The following ODAD2 variants were observed in gnomAD, a reference collection of about 807,000 sequenced individuals.
ODAD2 encodes outer dynein arm docking complex subunit 2, also known as outer dynein arm-docking complex subunit 2.
ODAD2 carries 89 observed loss-of-function variants against 106.8 expected under a neutral mutation model. That is an observed-to-expected ratio of 0.83 (90% CI 0.70 to 0.99). ODAD2 has a LOEUF of 0.99. Among genes scored for constraint, ODAD2 ranks in the 50% least tolerant of loss-of-function variants. The pLI is 0.00. For missense variants in ODAD2, 1,168 were observed against 1,238.5 expected, an observed-to-expected ratio of 0.94 and a Z score of 0.85; for synonymous variants, 404 against 436.2, an observed-to-expected ratio of 0.93 and a Z score of 0.92.
At position 27,944,905 on chromosome 10, in the gene ODAD2, C is replaced by G; in HGVS notation, c.1444G>C (p.Ala482Pro). 6.2e-7 allele frequency: 1 copy of G among 1,614,164 alleles called. No homozygotes were observed. The highest frequency in any genetic ancestry group is 8.5e-7 in the Non-Finnish European group (1 of 1,180,006). Residue 482 changes from alanine (A) to proline (P), a missense_variant, in exon 11 of 20, where the codon GCT becomes CCT. Ala to Pro is a conservative substitution (Grantham distance 27). Around this residue, in one of 3 missense-constraint regions of ODAD2, gnomAD observed 701 missense variants for 712.3 expected, o/e 0.98. Coordinates refer to ENST00000305242, the MANE Select transcript of ODAD2 (RefSeq NM_018076.5). Reference protein sequence around the residue: ...ALCSMRDFSLAQETCQLAIRD... With the variant: ...ALCSMRDFSLPQETCQLAIRD... ...ATGGCCAACTGGCAGGTTTCTTGAG[C>G]TAAGCTGAAATCCCTCATTGAACAC...
At chr10:27,858,972 T>C (rs1003408003) in intron 19 of ODAD2, among the ~76,000 whole-genome samples, 1 of 152,022 alleles carries the variant, frequency 6.6e-6, no homozygotes, top group South Asian at 2.1e-4. Context: ...TTTTTAAACT[T>C]TTTGAGCTTA....
Position 27,862,552 on chromosome 10 carries a change from TTA to T in ODAD2, c.2679_2680del (p.Asp893GlufsTer42). 6.2e-7 allele frequency: 1 copy of T among 1,611,194 alleles called. No individual in the cohort carries two copies. Among genetic ancestry groups the T allele is most frequent in the South Asian group, 1.1e-5 (1 of 90,488 alleles). On this transcript the variant is annotated frameshift_variant, in exon 18 of 20. Transcript: ENST00000305242. LOFTEE classifies it high-confidence loss of function. ...ACATACACTTGCCAGAACTTCTTTG[TTA>T]TCTGATTTCAGTAAATTGACAATAA...
chr10:27,893,302 T>C (rs1039700202), intron 17 of ODAD2, among the ~76,000 whole-genome samples: 1 of 152,204 alleles, frequency 6.6e-6, no homozygotes, highest in African/African-American at 2.4e-5. Flanking sequence ...CTAATGTGTA[T>C]AACAATATAA....
chr10:27,963,140 T>TA (rs1482736315), intron 9 of ODAD2, among the ~76,000 whole-genome samples: 93 of 152,214 alleles, frequency 6.1e-4, no homozygotes, highest in African/African-American at 2.2e-3. Context: ...CCTGAGTAGC[T>TA]GGACTTACAG....
intron 17 of ODAD2, among the ~76,000 whole-genome samples, chr10:27,906,726 A>G (rs1312175819): frequency 6.6e-6 from 1 of 152,178 alleles, no homozygotes; most frequent in Non-Finnish European, 1.5e-5. Context: ...ACATGGATGA[A>G]GCTGGAAACC....
chr10:27,927,059 A>G (rs928348012), intron 16 of ODAD2, among the ~76,000 whole-genome samples: 13 of 152,128 alleles, frequency 8.5e-5, no homozygotes, highest in Non-Finnish European at 1.9e-4. Context: ...AATAATTTAT[A>G]TTGAGTTTTT....
intron 17 of ODAD2, among the ~76,000 whole-genome samples, chr10:27,895,645 C>A (rs1169338176): frequency 6.6e-6 from 1 of 152,198 alleles, no homozygotes; most frequent in African/African-American, 2.4e-5. Context: ...CCCTACTAGT[C>A]ACATTCCAAG....
chr10:27,914,736 T>C (rs59247264), intron 16 of ODAD2, among the ~76,000 whole-genome samples: 24,418 of 151,968 alleles, frequency 0.16, 2,973 homozygotes, highest in African/African-American at 0.34. Flanking sequence ...ACACATACTT[T>C]ATATATGTAT....
intron 19 of ODAD2, among the ~76,000 whole-genome samples, chr10:27,845,273 T>C (rs758128152): frequency 2.2e-4 from 33 of 152,288 alleles, no homozygotes; most frequent in Middle Eastern, 3.4e-3. Context: ...TATTCAACAT[T>C]CTTAAAGAAA....
At chr10:27,890,327 T>C (rs1842478280) in intron 17 of ODAD2, among the ~76,000 whole-genome samples, 1 of 152,176 alleles carries the variant, frequency 6.6e-6, no homozygotes, top group Non-Finnish European at 1.5e-5. Flanking sequence ...TGTTTGATGC[T>C]GGGCACTCTT....
chr10:27,857,370 C>T (rs533750864), intron 19 of ODAD2, among the ~76,000 whole-genome samples: 22 of 152,228 alleles, frequency 1.4e-4, no homozygotes, highest in Middle Eastern at 3.4e-3. Context: ...TTTTGGTCAA[C>T]AGTAGGCTAT....
chr10:27,943,874 G>A (rs182870735), intron 12 of ODAD2, among the ~76,000 whole-genome samples: 61 of 144,078 alleles, frequency 4.2e-4, no homozygotes, highest in Middle Eastern at 3.8e-3. Flanking sequence ...AGCTTTTGAC[G>A]TTTTAAAGTT....
chr10:27,978,560 C>T (rs556934763), intron 7 of ODAD2, among the ~76,000 whole-genome samples: 140 of 150,446 alleles, frequency 9.3e-4, no homozygotes, highest in African/African-American at 3.3e-3. Context: ...TGGGAGGCCG[C>T]GACAGGTGGA....
chr10:27,846,281 G>A (rs74966178), intron 19 of ODAD2, among the ~76,000 whole-genome samples: 80,328 of 150,342 alleles, frequency 0.53, 23,037 homozygotes, highest in Middle Eastern at 0.67. Flanking sequence ...ACTCAAAACC[G>A]CTCAACTACA....
At chr10:27,943,376 GT>G (rs1554816539) in intron 12 of ODAD2, among the ~76,000 whole-genome samples, 2 of 151,776 alleles carry the variant, frequency 1.3e-5, no homozygotes, top group Non-Finnish European at 2.9e-5. Flanking sequence ...ATTTCTAGTG[GT>G]TTTTTTTAAA....
intron 19 of ODAD2, among the ~76,000 whole-genome samples, chr10:27,827,584 T>C (rs1837168211): frequency 6.6e-6 from 1 of 151,964 alleles, no homozygotes; most frequent in African/African-American, 2.4e-5. Context: ...ATCCAAAATG[T>C]CACAAACTCC....
intron 17 of ODAD2, among the ~76,000 whole-genome samples, chr10:27,896,695 A>T (rs1163870304): frequency 6.6e-6 from 1 of 152,148 alleles, no homozygotes; most frequent in Admixed American, 6.6e-5. Context: ...AGTGAGAGCC[A>T]GGCCTGTCTT....
chr10:27,907,620 T>C, intron 17 of ODAD2, 43 bp downstream of exon 17: 1 of 1,377,224 alleles, frequency 7.3e-7, no homozygotes, highest in Non-Finnish European at 1.0e-6. Context: ...TTCAGTATAG[T>C]ATTAGAGATT....
Position 27,961,735 on chromosome 10 carries a change from A to G in ODAD2, c.1239-20T>C. ...CTCTTCCTAAGAACAATAACAACAC[A>G]CATACACATGTAAGCTATAGTGTGG... On this transcript the variant is annotated intron_variant, in intron 9 of 19. Transcript: ENST00000305242. 6.3e-7 allele frequency: 1 copy of G among 1,598,212 alleles called. No homozygotes were observed. Among genetic ancestry groups the G allele is most frequent in the South Asian group, 1.1e-5 (1 of 88,252 alleles).
Sources: gnomAD v4.1 joint callset for allele counts (sites outside exome capture counted in the v4.1 genomes callset) on GRCh38, gnomAD v4.1.1 for gene constraint, gnomAD v4.1.1 regional missense constraint, MANE v1.5 for transcripts, NCBI Gene and HGNC (gene_info 2026-07-23, HGNC 2026-07-21) for gene names.